Variants in ADAMTS9 observed in about 807,000 individuals in gnomAD.
ADAMTS9 encodes A disintegrin and metalloproteinase with thrombospondin motifs 9.
Under a neutral mutation model 257.1 loss-of-function variants are expected in ADAMTS9, and 107 were observed. The ratio of observed to expected loss-of-function variants is 0.42; its 90% CI spans 0.36 to 0.49. The LOEUF (loss-of-function observed/expected upper bound fraction) is 0.49. Among genes scored for constraint, ADAMTS9 ranks in the 20% least tolerant of loss-of-function variants. The probability of loss-of-function intolerance (pLI) is 0.03; values close to 1 mark genes in which losing one functional copy is unlikely to be tolerated. For synonymous variants in ADAMTS9, 982 were observed against 880.9 expected (o/e 1.11, Z -2.03); for missense variants, 2,353 against 2,469.1 (o/e 0.95, Z 1.00).
chr3:64,670,057 C>G (rs1371975165), intron 3 of ADAMTS9, among the ~76,000 whole-genome samples: 1 of 152,176 alleles, frequency 6.6e-6, no homozygotes, highest in Non-Finnish European at 1.5e-5. Context: ...TATTCTATCC[C>G]TCTTCAGCAG....
chr3:64,686,784 G>A lies in ADAMTS9; in HGVS notation c.300C>T (p.Tyr100=). The change falls in exon 2 of 40, where the codon TAC becomes TAT. Residue 100 remains tyrosine (Y), a synonymous_variant. Coordinates refer to ENST00000498707, the MANE Select transcript of ADAMTS9 (RefSeq NM_182920.2). The surrounding 1 kb of genome is among the most constrained non-coding windows in gnomAD (Gnocchi z 4.6). ...ACTGCTGGCCGAAGGCAGAGAGGCG[G>A]TAATGCGCCTGGGAGGAGGTAGAGG... ...SSSSTSSQAH[Y]RLSAFGQQFL... The A allele has an allele frequency of 1.9e-6, 3 of 1,614,160 alleles. No individual in the cohort carries two copies. Among genetic ancestry groups the A allele is most frequent in the Non-Finnish European group, 2.5e-6 (3 of 1,180,010 alleles).
chr3:64,633,794 C>G lies in ADAMTS9; in HGVS notation c.1942G>C (p.Asp648His), dbSNP rs1166275587. The change falls in exon 13 of 40, where the codon GAC becomes CAC. Residue 648 changes from aspartate to histidine, a missense_variant. By Grantham distance (81) the Asp-to-His change is moderately conservative (BLOSUM62 -1). Around this residue, in one of 3 missense-constraint regions of ADAMTS9, gnomAD observed 360 missense variants for 458.1 expected, o/e 0.79. Coordinates refer to ENST00000498707, the MANE Select transcript of ADAMTS9 (RefSeq NM_182920.2). Reference protein sequence around the residue: ...NTEPCLKQKRDFRDEQCAHFD... With the variant: ...NTEPCLKQKRHFRDEQCAHFD... Reference sequence around the variant, plus strand: ...TGAGCACACTGTTCATCTCGGAAGTCTCGCTTCTGCTTGAGACATGGCTCC... The same window carrying G: ...TGAGCACACTGTTCATCTCGGAAGTGTCGCTTCTGCTTGAGACATGGCTCC... The G allele has an allele frequency of 6.2e-7, 1 of 1,613,404 alleles. No individual in the cohort carries two copies. The highest frequency in any genetic ancestry group is 1.1e-5 in the South Asian group (1 of 91,024).
chr3:64,642,233 G>T (rs1700664244), intron 11 of ADAMTS9, among the ~76,000 whole-genome samples: 1 of 152,126 alleles, frequency 6.6e-6, no homozygotes, highest in Admixed American at 6.5e-5. Flanking sequence ...CTGGCTCCAG[G>T]CTGACAGGGT....
intron 29 of ADAMTS9, among the ~76,000 whole-genome samples, chr3:64,566,528 C>T (rs1576030593): frequency 6.6e-6 from 1 of 151,964 alleles, no homozygotes; most frequent in Non-Finnish European, 1.5e-5. Context: ...TGGCAAAAAC[C>T]CCCAGGGTTT....
intron 9 of ADAMTS9, 157 bp from the exon 10 acceptor site, chr3:64,649,935 G>T: frequency 2.1e-6 from 2 of 943,422 alleles, no homozygotes; most frequent in Non-Finnish European, 1.5e-6. Flanking sequence ...AAATCCAGAT[G>T]CTGAAGTTAC....
intron 11 of ADAMTS9, among the ~76,000 whole-genome samples, chr3:64,642,443 G>A (rs1396861772): frequency 6.9e-5 from 3 of 43,496 alleles, no homozygotes; most frequent in African/African-American, 1.8e-4. Context: ...TATTGGAGAG[G>A]GGGGAAAAAA....
chr3:64,576,163 G>A (rs938318986), intron 28 of ADAMTS9, among the ~76,000 whole-genome samples: 2 of 152,196 alleles, frequency 1.3e-5, no homozygotes, highest in Non-Finnish European at 2.9e-5. Context: ...AGAGTAAGGA[G>A]AGGAAAGATG....
rs150229587 is a variant in ADAMTS9 at position 64,603,999 on chromosome 3, T to C, written c.3670A>G (p.Thr1224Ala). 3.7e-6 allele frequency: 6 copies of C among 1,613,864 alleles called. No homozygotes were observed. The highest frequency in any genetic ancestry group is 5.1e-6 in the Non-Finnish European group (6 of 1,180,002). Residue 1224 changes from threonine to alanine, a missense_variant, in exon 25 of 40, where the codon ACC becomes GCC. Physicochemically the swap from Thr to Ala is moderately conservative, Grantham distance 58. Transcript: ENST00000498707. ...GSVADESACA[T>A]LPRPVAKEEC... The stretch of plus-strand genomic sequence containing the variant: ...TCCTTTGCCACTGGTCTAGGCAGGG[T>C]AGCACAGGCACTCTCGTCAGCCACA...
chr3:64,658,613 T>C lies in ADAMTS9; in HGVS notation c.858A>G (p.Lys286=). 6.2e-7 allele frequency: 1 copy of C among 1,613,924 alleles called. No homozygotes were observed. The highest frequency in any genetic ancestry group is 8.5e-7 in the Non-Finnish European group (1 of 1,179,976). Residue 286 remains lysine, a synonymous_variant, in exon 4 of 40, where the codon AAA becomes AAG. Coordinates refer to ENST00000498707, the MANE Select transcript of ADAMTS9 (RefSeq NM_182920.2). ...TREKRTHRRT[K]RFLSYPRFVE... ...CAAACCGTGGATAGGATAAAAAACGTTTTGTCCTTCTGTGGGTCCTCTTTT... is the reference window on the plus strand; with the variant it reads ...CAAACCGTGGATAGGATAAAAAACGCTTTGTCCTTCTGTGGGTCCTCTTTT...
chr3:64,665,339 G>C (rs976001602), intron 3 of ADAMTS9, among the ~76,000 whole-genome samples: 1 of 152,100 alleles, frequency 6.6e-6, no homozygotes, highest in Non-Finnish European at 1.5e-5. Context: ...AGGGAGGCCC[G>C]ATTTAAGTCC....
At chr3:64,567,999 A>T (rs1245264102) in intron 29 of ADAMTS9, among the ~76,000 whole-genome samples, 2 of 152,142 alleles carry the variant, frequency 1.3e-5, no homozygotes, top group Admixed American at 1.3e-4. Context: ...CTGAGACTCA[A>T]TTTCTGCCAG....
intron 3 of ADAMTS9, among the ~76,000 whole-genome samples, chr3:64,668,648 A>G (rs1051204289): frequency 6.6e-6 from 1 of 152,186 alleles, no homozygotes; most frequent in African/African-American, 2.4e-5. Flanking sequence ...CCTGGTGGGT[A>G]GGAAGTCCTC....
chr3:64,591,439 CAA>C (rs1165135280), intron 28 of ADAMTS9, among the ~76,000 whole-genome samples: 1 of 138,472 alleles, frequency 7.2e-6, no homozygotes. Context: ...CACTCTGTCT[CAA>C]AAAAAAAAAG....
At chr3:64,523,188 G>C (rs1286762389) in intron 38 of ADAMTS9, among the ~76,000 whole-genome samples, 1 of 152,106 alleles carries the variant, frequency 6.6e-6, no homozygotes, top group African/African-American at 2.4e-5. Flanking sequence ...CTTTTGGCAA[G>C]GACTATTGCT....
intron 30 of ADAMTS9, among the ~76,000 whole-genome samples, chr3:64,557,617 A>G (rs1275787150): frequency 6.6e-6 from 1 of 152,128 alleles, no homozygotes; most frequent in Non-Finnish European, 1.5e-5. Context: ...CCACCGTACT[A>G]AAAAGAAGTC....
intron 30 of ADAMTS9, among the ~76,000 whole-genome samples, chr3:64,552,349 C>T (rs2106935384): frequency 6.6e-6 from 1 of 152,246 alleles, no homozygotes; most frequent in South Asian, 2.1e-4. Flanking sequence ...ATCCTTAGTG[C>T]CCTGTGTTGC....
At chr3:64,593,337 T>G (rs1271995598) in intron 28 of ADAMTS9, among the ~76,000 whole-genome samples, 1 of 152,178 alleles carries the variant, frequency 6.6e-6, no homozygotes, top group East Asian at 1.9e-4. Flanking sequence ...TGGTTAAGAC[T>G]TCTGAGAACC....
At chr3:64,667,056 C>T (rs1462746581) in intron 3 of ADAMTS9, among the ~76,000 whole-genome samples, 4 of 151,978 alleles carry the variant, frequency 2.6e-5, no homozygotes, top group African/African-American at 9.7e-5. Flanking sequence ...AAGTGATGTG[C>T]CCAGTGTCAA....
intron 30 of ADAMTS9, among the ~76,000 whole-genome samples, chr3:64,558,126 A>G (rs1309489430): frequency 6.6e-6 from 1 of 152,262 alleles, no homozygotes; most frequent in East Asian, 1.9e-4. Flanking sequence ...CTCTCCAGTA[A>G]GAGGCTTGGC....
Sources: allele counts gnomAD v4.1 joint callset (sites outside exome capture counted in the v4.1 genomes callset), GRCh38; gene constraint gnomAD v4.1.1; regional missense constraint gnomAD v4.1.1; non-coding constraint Gnocchi (gnomAD v3.1); transcripts MANE v1.5; gene names NCBI Gene and HGNC (gene_info 2026-07-23, HGNC 2026-07-21).